The following SOX6 variants were observed in gnomAD, a reference collection of about 807,000 sequenced individuals.
SOX6 encodes SRY-box transcription factor 6.
Under a neutral mutation model 97.8 loss-of-function variants are expected in SOX6, and 11 were observed. That is an observed-to-expected ratio of 0.11 (90% CI 0.07 to 0.19). The LOEUF (loss-of-function observed/expected upper bound fraction) is 0.19. SOX6 is among the 10% of genes least tolerant of loss of function. SOX6 has a pLI of 1.00. For missense variants in SOX6, 810 were observed against 1,039.5 expected (o/e 0.78, Z 3.04); for synonymous variants, 360 against 371.4 (o/e 0.97, Z 0.35).
intron 4 of SOX6, among the ~76,000 whole-genome samples, chr11:16,503,338 A>T (rs762213403): frequency 2.0e-5 from 3 of 152,186 alleles, no homozygotes; most frequent in Non-Finnish European, 2.9e-5. Flanking sequence ...CACTACAGAA[A>T]ATTACCAAAC....
At chr11:16,058,770 T>C (rs1035187161) in intron 9 of SOX6, among the ~76,000 whole-genome samples, 1 of 152,092 alleles carries the variant, frequency 6.6e-6, no homozygotes, top group Non-Finnish European at 1.5e-5. Context: ...TTCTCAGCTA[T>C]GCCTGGTGTC....
In SOX6 at chr11:16,712,519, CAT is replaced by C. The variant is rs575628569; in HGVS notation, n.429+2309_429+2310del. Among the ~76,000 whole-genome samples, 173 of 151,988 alleles carry C rather than the reference CAT, an allele frequency of 1.1e-3. 1 individual carries two copies. The highest frequency in any genetic ancestry group is 2.0e-3 in the Non-Finnish European group (137 of 67,972). Reference sequence around the variant, plus strand: ...TCATTAGTGATGTTGAGCATTTTTTCATATGTTTGTTAGCCATTTGTATATCT... The same window carrying C: ...TCATTAGTGATGTTGAGCATTTTTTCATGTTTGTTAGCCATTTGTATATCT... On this transcript the variant is annotated intron_variant and non_coding_transcript_variant, in intron 3 of 5. Transcript: ENST00000524520.
chr11:16,178,201 T>C (rs1851250834), intron 6 of SOX6, among the ~76,000 whole-genome samples: 1 of 152,010 alleles, frequency 6.6e-6, no homozygotes, highest in Non-Finnish European at 1.5e-5. Context: ...GCATGACTAA[T>C]GTGGAAAAAC....
At chr11:16,012,197 A>C (rs888299346) in intron 13 of SOX6, among the ~76,000 whole-genome samples, 15 of 152,064 alleles carry the variant, frequency 9.9e-5, no homozygotes, top group African/African-American at 3.6e-4. Flanking sequence ...TAAGGGAAAT[A>C]TGAAGGAACG....
chr11:16,533,178 G>T (rs1431521834), intron 4 of SOX6, among the ~76,000 whole-genome samples: 1 of 151,656 alleles, frequency 6.6e-6, no homozygotes, highest in African/African-American at 2.4e-5. Context: ...ATTCAGCAAA[G>T]AAATCATTAA....
intron 1 of SOX6, among the ~76,000 whole-genome samples, chr11:16,350,046 A>G (rs553610199): frequency 2.6e-4 from 40 of 152,296 alleles, no homozygotes; most frequent in African/African-American, 9.4e-4. Flanking sequence ...AAAAAGGGGG[A>G]GGCACTGACT....
chr11:16,052,848 T>C (rs78698022), intron 10 of SOX6, among the ~76,000 whole-genome samples: 5,761 of 152,234 alleles, frequency 0.038, 352 homozygotes, highest in African/African-American at 0.13. Context: ...TTCTGGGGAA[T>C]CTACTTGATG....
intron 4 of SOX6, among the ~76,000 whole-genome samples, chr11:16,492,282 G>A (rs1481667719): frequency 6.6e-6 from 1 of 152,132 alleles, no homozygotes; most frequent in Non-Finnish European, 1.5e-5. Context: ...GAGTTCCCTG[G>A]ACCAGTTCTG....
At chr11:16,736,653 A>G (rs1048319957) in intron 1 of SOX6, among the ~76,000 whole-genome samples, 1 of 152,232 alleles carries the variant, frequency 6.6e-6, no homozygotes, top group African/African-American at 2.4e-5. Context: ...TAATATAGCT[A>G]ATAGTTCTAA....
intron 3 of SOX6, among the ~76,000 whole-genome samples, chr11:16,236,338 C>G (rs1590052730): frequency 6.6e-6 from 1 of 151,930 alleles, no homozygotes. Flanking sequence ...ATGCTAAAGT[C>G]ATAAAAATGA....
chr11:16,374,832 C>T (rs372129410), intron 1 of SOX6, among the ~76,000 whole-genome samples: 8 of 151,914 alleles, frequency 5.3e-5, no homozygotes, highest in Non-Finnish European at 7.4e-5. Flanking sequence ...TAGGAAAGAG[C>T]AGGTTGGTTT....
chr11:16,309,307 T>G (rs751511134), intron 3 of SOX6, among the ~76,000 whole-genome samples: 4 of 152,140 alleles, frequency 2.6e-5, no homozygotes, highest in Non-Finnish European at 4.4e-5. Context: ...TACTGCTATA[T>G]AGCATAGCAT....
intron 6 of SOX6, among the ~76,000 whole-genome samples, chr11:16,133,095 T>G (rs376505463): frequency 1.7e-4 from 26 of 152,148 alleles, no homozygotes; most frequent in East Asian, 1.4e-3. Flanking sequence ...TAAAAGAGGG[T>G]ATTGCAAAGA....
At chr11:16,648,436 AG>A (rs1849046069) in intron 3 of SOX6, among the ~76,000 whole-genome samples, 1 of 152,100 alleles carries the variant, frequency 6.6e-6, no homozygotes, top group African/African-American at 2.4e-5. Context: ...AACACAAAAC[AG>A]AAACTCCTGG....
intron 3 of SOX6, among the ~76,000 whole-genome samples, chr11:16,695,584 A>AG (rs1262652130): frequency 6.6e-6 from 1 of 152,230 alleles, no homozygotes; most frequent in African/African-American, 2.4e-5. Context: ...CCTGATGGCA[A>AG]GAGACAGACT....
Position 16,701,192 on chromosome 11 carries a change from T to C in SOX6, n.429+13638A>G, listed in dbSNP as rs539497986. Among the ~76,000 whole-genome samples the C allele has an allele frequency of 9.8e-5, 15 of 152,344 alleles. No homozygotes were observed. In the South Asian group the frequency reaches 3.1e-3, roughly 32 times the overall value. Reference sequence around the variant, plus strand: ...CAAAGGAATTAGTGTGAACAATGCCTTTATAGTGTAGACATAAAAAGCGTG... The same window carrying C: ...CAAAGGAATTAGTGTGAACAATGCCCTTATAGTGTAGACATAAAAAGCGTG... On this transcript the variant is annotated intron_variant and non_coding_transcript_variant, in intron 3 of 5. Transcript: ENST00000524520.
intron 6 of SOX6, among the ~76,000 whole-genome samples, chr11:16,157,627 G>A (rs1241138897): frequency 6.6e-6 from 1 of 151,864 alleles, no homozygotes; most frequent in Non-Finnish European, 1.5e-5. Context: ...CCATTCTCTT[G>A]CTTATATCCT....
chr11:16,256,361 G>C (rs1163440283), intron 3 of SOX6, among the ~76,000 whole-genome samples: 1 of 151,910 alleles, frequency 6.6e-6, no homozygotes, highest in African/African-American at 2.4e-5. Context: ...CCACAATCAA[G>C]TGGGATTTAT....
At chr11:16,233,692 C>T (rs1023216801) in intron 4 of SOX6, among the ~76,000 whole-genome samples, 2 of 151,952 alleles carry the variant, frequency 1.3e-5, no homozygotes, top group African/African-American at 4.8e-5. Context: ...TTGTATTATC[C>T]TCATTTTATA....
Sources: allele counts gnomAD v4.1 joint callset (sites outside exome capture counted in the v4.1 genomes callset), GRCh38; gene constraint gnomAD v4.1.1; transcripts MANE v1.5; gene names NCBI Gene and HGNC (gene_info 2026-07-23, HGNC 2026-07-21).